Variants in CCDC88B observed in about 807,000 individuals in gnomAD.
CCDC88B encodes the protein coiled-coil and HOOK domain protein 88B, also known as coiled-coil domain-containing protein 88B.
CCDC88B carries 138 observed loss-of-function variants against 183.7 expected under a neutral mutation model. The observed-to-expected ratio is 0.75, with a 90% CI of 0.65 to 0.87. The LOEUF (loss-of-function observed/expected upper bound fraction) is 0.87. CCDC88B is among the 40% of genes least tolerant of loss of function. CCDC88B has a pLI of 0.00. For missense variants in CCDC88B, 1,822 were observed against 1,965.6 expected, an observed-to-expected ratio of 0.93 and a Z score of 1.38; for synonymous variants, 835 against 867.5, an observed-to-expected ratio of 0.96 and a Z score of 0.66.
chr11:64,340,582 G>A, intron 1 of CCDC88B, 25 bp from the exon 2 acceptor site: 1 of 1,598,756 alleles, frequency 6.3e-7, no homozygotes. Flanking sequence ...CTGCTGGTCG[G>A]CTGACCCCTC....
intron 10 of CCDC88B, 185 bp downstream of exon 10, chr11:64,342,865 G>T: frequency 1.6e-6 from 1 of 610,614 alleles, no homozygotes; most frequent in Non-Finnish European, 2.7e-6. Flanking sequence ...GATGGGGCAG[G>T]TGTAGGGGAG....
chr11:64,344,050 G>C lies in CCDC88B; in HGVS notation c.1509G>C (p.Glu503Asp), dbSNP rs149069335. 1.9e-6 allele frequency: 3 copies of C among 1,583,550 alleles called. No individual in the cohort carries two copies. Among genetic ancestry groups the C allele is most frequent in the Non-Finnish European group, 2.6e-6 (3 of 1,164,100 alleles). The change falls in exon 14 of 27, where the codon GAG becomes GAC. Residue 503 changes from glutamate (E) to aspartate (D), a missense_variant. By Grantham distance (45) the Glu-to-Asp change is conservative. Transcript: ENST00000356786. The surrounding 1 kb of genome is among the most constrained non-coding windows in gnomAD (Gnocchi z 4.5). ...ACCCTGTTCTTCCAGTGCTGGAGGA[G>C]GCTCCCCAGACTCCTGTGGCCTTCG... Reference protein sequence around the residue: ...REDPVLPVLEEAPQTPVAFDH... With the variant: ...REDPVLPVLEDAPQTPVAFDH...
At chr11:64,346,920 G>A (rs1042679753) in intron 14 of CCDC88B, among the ~76,000 whole-genome samples, 7 of 151,684 alleles carry the variant, frequency 4.6e-5, no homozygotes, top group African/African-American at 9.7e-5. Context: ...TCAGCCTCTC[G>A]TGTAGCTGGG....
intron 16 of CCDC88B, chr11:64,350,024 G>A (rs2036267920): frequency 3.1e-6 from 1 of 320,116 alleles, no homozygotes; most frequent in African/African-American, 2.1e-5. Flanking sequence ...CACACGGAGG[G>A]TGGGGTGGTG....
intron 18 of CCDC88B, 131 bp from the exon 19 acceptor site, chr11:64,351,999 C>T: frequency 1.5e-6 from 2 of 1,309,634 alleles, no homozygotes; most frequent in East Asian, 4.8e-5. Context: ...GCTGTGCCCC[C>T]AGCCCTTTGC....
Position 64,351,209 on chromosome 11 carries a change from A to C in CCDC88B, c.2912A>C (p.Gln971Pro). 6.6e-7 allele frequency: 1 copy of C among 1,525,786 alleles called. No homozygotes were observed. Among genetic ancestry groups the C allele is most frequent in the Non-Finnish European group, 8.8e-7 (1 of 1,137,668 alleles). 94.5% of individuals were successfully genotyped at this position (1,525,786 alleles called of 1,614,324 possible). The change falls in exon 17 of 27, where the codon CAG becomes CCG. Residue 971 changes from glutamine to proline, a missense_variant. Coordinates refer to ENST00000356786, the MANE Select transcript of CCDC88B (RefSeq NM_032251.6). ...GLGPKKRAEP[Q>P]LVETQNVRLI... ...GGGCCCAAAAAGCGTGCGGAGCCTCAGCTGGTGGAGACCCAGAATGTGCGG... is the reference window on the plus strand; with the variant it reads ...GGGCCCAAAAAGCGTGCGGAGCCTCCGCTGGTGGAGACCCAGAATGTGCGG...
chr11:64,342,649 A>C lies in CCDC88B; in HGVS notation c.1031A>C (p.Gln344Pro). Residue 344 changes from glutamine to proline, a missense_variant, in exon 10 of 27, where the codon CAG becomes CCG. By Grantham distance (76) the Gln-to-Pro change is moderately conservative. Coordinates refer to ENST00000356786, the MANE Select transcript of CCDC88B (RefSeq NM_032251.6). The part of the protein sequence containing the change: ...EELRRCRERL[Q>P]AAEAYKSQLE... The stretch of plus-strand genomic sequence containing the variant: ...CTGAGGCGCTGCCGCGAGCGGCTGC[A>C]GGCGGCTGAGGCCTACAAGAGTCAG... 6.6e-7 allele frequency: 1 copy of C among 1,517,960 alleles called. No homozygotes were observed. Among genetic ancestry groups the C allele is most frequent in the Non-Finnish European group, 8.8e-7 (1 of 1,139,846 alleles). 94.0% of individuals were successfully genotyped at this position (1,517,960 alleles called of 1,614,324 possible). A position where few individuals can be genotyped will look rare whatever the true frequency, so the allele number is the denominator to read the frequency against.
At chr11:64,355,491 T>C in intron 25 of CCDC88B, 69 bp from the exon 26 acceptor site, 1 of 1,595,002 alleles carries the variant, frequency 6.3e-7, no homozygotes, top group Non-Finnish European at 8.6e-7. Flanking sequence ...TCTTGTCCCC[T>C]GTGTCTCCTG....
chr11:64,355,393 C>G lies in CCDC88B; in HGVS notation c.4299C>G (p.His1433Gln). 1 of 1,592,736 alleles carries G rather than the reference C, an allele frequency of 6.3e-7. No homozygotes were observed. Among genetic ancestry groups the G allele is most frequent in the Non-Finnish European group, 8.5e-7 (1 of 1,170,078 alleles). ...GCCCCCTGGGGGCGCCCGTCTCCCA[C>G]AGCAAAGGTGAGGGACAAGGGTCAC... ...HPGPLGAPVSHSKGPGVGWEN... is the reference protein window; with the variant it reads ...HPGPLGAPVSQSKGPGVGWEN... Residue 1433 changes from histidine to glutamine, a missense_variant, in exon 25 of 27, where the codon CAC becomes CAG. By Grantham distance (24) the His-to-Gln change is conservative. Coordinates refer to ENST00000356786, the MANE Select transcript of CCDC88B (RefSeq NM_032251.6).
Position 64,355,290 on chromosome 11 carries a change from G to A in CCDC88B, c.4196G>A (p.Arg1399Lys). The change falls in exon 25 of 27, where the codon AGG becomes AAG. Residue 1399 changes from arginine (R) to lysine (K), a missense_variant. Transcript: ENST00000356786. ...AGGQRRKLSSRFPVGRSSESF... is the reference protein window; with the variant it reads ...AGGQRRKLSSKFPVGRSSESF... ...GGGCAGCGGCGGAAACTCAGCTCAAGGTTCCCGGTGGGGCGAAGCTCTGAG... is the reference window on the plus strand; with the variant it reads ...GGGCAGCGGCGGAAACTCAGCTCAAAGTTCCCGGTGGGGCGAAGCTCTGAG... The A allele has an allele frequency of 3.8e-6, 6 of 1,590,812 alleles. No homozygotes were observed. The highest frequency in any genetic ancestry group is 2.6e-6 in the Non-Finnish European group (3 of 1,169,382).
At chr11:64,356,861 C>G (rs983106297) in intron 26 of CCDC88B, 178 bp from the exon 27 acceptor site, 4 of 615,162 alleles carry the variant, frequency 6.5e-6, no homozygotes, top group African/African-American at 5.5e-5. Context: ...TGTGGACATA[C>G]CTGAGAACAG....
At chr11:64,355,747 C>CT in intron 26 of CCDC88B, 119 bp downstream of exon 26, 1 of 973,668 alleles carries the variant, frequency 1.0e-6, no homozygotes, top group Non-Finnish European at 1.5e-6. Flanking sequence ...AGGTGACGTG[C>CT]TGGCAGGGGA....
intron 24 of CCDC88B, 28 bp from the exon 25 acceptor site, chr11:64,355,166 A>T (rs765125748): frequency 7.7e-7 from 1 of 1,304,566 alleles, no homozygotes; most frequent in Middle Eastern, 2.4e-4. Flanking sequence ...CCCTCCTCTC[A>T]CCCCCTCCCT....
intron 14 of CCDC88B, chr11:64,348,946 C>A: frequency 1.4e-6 from 1 of 713,988 alleles, no homozygotes; most frequent in Non-Finnish European, 2.6e-6. Context: ...ACCCGACCCA[C>A]CTCTGCTGAG....
In CCDC88B at chr11:64,357,098, C is replaced by G. The variant is rs750346238; in HGVS notation, c.*4C>G. ...CACCCCATCCCTCAGCCAGTGACAC[C>G]GTGGGAACAGCAGGCTTGGGAGTGC... On this transcript the variant is annotated 3_prime_UTR_variant, in exon 27 of 27. Coordinates refer to ENST00000356786, the MANE Select transcript of CCDC88B (RefSeq NM_032251.6). 9 of 1,613,426 alleles carry G rather than the reference C, an allele frequency of 5.6e-6. No individual in the cohort carries two copies. Among genetic ancestry groups the G allele is most frequent in the South Asian group, 2.2e-5 (2 of 91,050 alleles).
At position 64,345,068 on chromosome 11, in the gene CCDC88B, G is replaced by A. The variant is rs773335324; in HGVS notation, c.2527G>A (p.Glu843Lys). The change falls in exon 14 of 27, where the codon GAG becomes AAG. Residue 843 changes from glutamate to lysine, a missense_variant. Transcript: ENST00000356786. ...SRLRAQSEAA[E>K]ERMQVLESEG... ...GCTGCGGGCCCAGTCGGAGGCCGCC[G>A]AGGAACGGATGCAGGTGCTGGAGAG... The A allele has an allele frequency of 3.8e-5, 59 of 1,550,804 alleles. No individual in the cohort carries two copies. Among genetic ancestry groups the A allele is most frequent in the Admixed American group, 1.9e-4 (10 of 51,412 alleles).
intron 7 of CCDC88B, 91 bp from the exon 8 acceptor site, chr11:64,341,903 G>C (rs1217835141): frequency 1.6e-6 from 1 of 636,002 alleles, no homozygotes; most frequent in East Asian, 8.0e-5. Flanking sequence ...CAAGACCCCA[G>C]ACCACAACCC....
rs773406773 is a variant in CCDC88B at position 64,342,273 on chromosome 11, C to T, written c.822-21C>T. The T allele has an allele frequency of 3.2e-6, 5 of 1,575,570 alleles. No homozygotes were observed. The East Asian group carries it at 1.2e-4, about 36-fold the overall frequency. The stretch of plus-strand genomic sequence containing the variant: ...GGGGTTGTGGGCCCCCAGACCCTCC[C>T]TAGACTCCCCTTCCCTCCAGGGAGG... On this transcript the variant is annotated intron_variant, in intron 8 of 26. Coordinates refer to ENST00000356786, the MANE Select transcript of CCDC88B (RefSeq NM_032251.6).
chr11:64,340,270 G>C lies in CCDC88B; in HGVS notation c.4G>C (p.Glu2Gln). 7.9e-7 allele frequency: 1 copy of C among 1,267,534 alleles called. No individual in the cohort carries two copies. Among genetic ancestry groups the C allele is most frequent in the Non-Finnish European group, 1.0e-6 (1 of 997,600 alleles). The allele number at this position is 1,267,534 out of a possible 1,614,324, so 78.5% of individuals were successfully genotyped here. Residue 2 changes from glutamate (E) to glutamine (Q), a missense_variant, in exon 1 of 27, where the codon GAG (glutamate) becomes CAG (glutamine). Coordinates refer to ENST00000356786, the MANE Select transcript of CCDC88B (RefSeq NM_032251.6). M[E>Q]GGKGPRLRDF... The stretch of plus-strand genomic sequence containing the variant: ...AGACGGGCACCCCGACCCGGGCATG[G>C]AGGGGGGCAAGGGGCCCAGGCTCAG...
Sources: allele counts gnomAD v4.1 joint callset (sites outside exome capture counted in the v4.1 genomes callset), GRCh38; gene constraint gnomAD v4.1.1; non-coding constraint Gnocchi (gnomAD v3.1); transcripts MANE v1.5; gene names NCBI Gene and HGNC (gene_info 2026-07-23, HGNC 2026-07-21).